The following SLC8A3 variants were observed in gnomAD, a reference collection of about 807,000 sequenced individuals.
SLC8A3 encodes the protein sodium/calcium exchanger 3.
Under a neutral mutation model 65.4 loss-of-function variants are expected in SLC8A3, and 37 were observed. That is an observed-to-expected ratio of 0.57 (90% CI 0.44 to 0.74). SLC8A3 has a LOEUF of 0.74. SLC8A3 is among the 30% of genes least tolerant of loss of function. The pLI is 0.00. For missense variants in SLC8A3, 1,112 were observed against 1,172.1 expected (o/e 0.95, Z 0.75); for synonymous variants, 461 against 444.5 (o/e 1.04, Z -0.47).
chr14:70,175,884 A>C (rs1897876924), intron 1 of SLC8A3, among the ~76,000 whole-genome samples: 1 of 151,986 alleles, frequency 6.6e-6, no homozygotes, highest in Admixed American at 6.6e-5. Flanking sequence ...ACAGGTGTGC[A>C]CCACCACATC....
intron 2 of SLC8A3, among the ~76,000 whole-genome samples, chr14:70,137,189 A>G (rs1895258566): frequency 6.7e-6 from 1 of 150,274 alleles, no homozygotes; most frequent in South Asian, 2.1e-4. Context: ...TCTGTCACCC[A>G]GGATGGAGTG....
At chr14:70,085,183 T>C (rs1891340168) in intron 2 of SLC8A3, among the ~76,000 whole-genome samples, 1 of 152,084 alleles carries the variant, frequency 6.6e-6, no homozygotes. Flanking sequence ...ACCTATAGAT[T>C]CTCTATCTGT....
At chr14:70,095,122 AAG>A (rs1892080843) in intron 2 of SLC8A3, among the ~76,000 whole-genome samples, 1 of 152,236 alleles carries the variant, frequency 6.6e-6, no homozygotes, top group Non-Finnish European at 1.5e-5. Flanking sequence ...ACGTGGTAGA[AAG>A]AACACAGGTT....
intron 2 of SLC8A3, among the ~76,000 whole-genome samples, chr14:70,092,325 C>T (rs994113555): frequency 1.3e-5 from 2 of 152,198 alleles, no homozygotes; most frequent in African/African-American, 4.8e-5. Flanking sequence ...TCCTGGAATG[C>T]TTTCCTGATG....
At chr14:70,147,419 G>T (rs1026334475) in intron 2 of SLC8A3, among the ~76,000 whole-genome samples, 1 of 152,108 alleles carries the variant, frequency 6.6e-6, no homozygotes, top group South Asian at 2.1e-4. Flanking sequence ...CCTTCTCTCC[G>T]CAAGAACATG....
At chr14:70,174,780 G>A (rs1442620779) in intron 1 of SLC8A3, among the ~76,000 whole-genome samples, 1 of 150,692 alleles carries the variant, frequency 6.6e-6, no homozygotes, top group Non-Finnish European at 1.5e-5. Flanking sequence ...CTGATGAGGG[G>A]TGGAGACAAA....
chr14:70,145,734 A>G (rs940433457), intron 2 of SLC8A3, among the ~76,000 whole-genome samples: 11 of 152,230 alleles, frequency 7.2e-5, no homozygotes, highest in African/African-American at 2.7e-4. Context: ...CATCTGCCCC[A>G]GAAAACCATC....
At chr14:70,122,177 G>A (rs1894113280) in intron 2 of SLC8A3, among the ~76,000 whole-genome samples, 1 of 152,198 alleles carries the variant, frequency 6.6e-6, no homozygotes, top group Non-Finnish European at 1.5e-5. Context: ...TATGTGATTG[G>A]AGAAGGTGGC....
chr14:70,164,502 G>T (rs1208368720), intron 2 of SLC8A3, among the ~76,000 whole-genome samples: 1 of 152,082 alleles, frequency 6.6e-6, no homozygotes, highest in East Asian at 1.9e-4. Flanking sequence ...TTTAGAATGA[G>T]TATTACCCAG....
At chr14:70,173,902 A>T (rs1414339599) in intron 1 of SLC8A3, among the ~76,000 whole-genome samples, 3 of 152,228 alleles carry the variant, frequency 2.0e-5, no homozygotes, top group Non-Finnish European at 2.9e-5. Flanking sequence ...AGGTAGCTTG[A>T]TTGCCACAAC....
intron 2 of SLC8A3, among the ~76,000 whole-genome samples, chr14:70,102,376 C>G (rs1262282781): frequency 6.6e-6 from 1 of 152,172 alleles, no homozygotes; most frequent in East Asian, 1.9e-4. Flanking sequence ...ACTCAATACC[C>G]TTAAAAGGAA....
At chr14:70,147,813 CATGATT>C (rs1334287911) in intron 2 of SLC8A3, among the ~76,000 whole-genome samples, 1 of 152,174 alleles carries the variant, frequency 6.6e-6, no homozygotes, top group Non-Finnish European at 1.5e-5. Flanking sequence ...TGCCTGGACT[CATGATT>C]CATGAAAACT....
At chr14:70,173,413 C>T (rs996751979) in intron 1 of SLC8A3, among the ~76,000 whole-genome samples, 7 of 152,220 alleles carry the variant, frequency 4.6e-5, no homozygotes, top group African/African-American at 7.2e-5. Context: ...ATCTTCCTAA[C>T]GCCTCTGAGG....
chr14:70,122,124 A>C (rs1894108890), intron 2 of SLC8A3, among the ~76,000 whole-genome samples: 2 of 152,228 alleles, frequency 1.3e-5, no homozygotes, highest in South Asian at 2.1e-4. Context: ...GGATAGAGCC[A>C]AAAGAAGAGC....
rs114771652 is a variant in SLC8A3 at position 70,147,394 on chromosome 14, T to C, written c.1784+19245A>G. 3.7e-3 allele frequency among the ~76,000 whole-genome samples: 570 copies of C among 152,326 alleles called. 3 individuals carry two copies. Among genetic ancestry groups the C allele is most frequent in the African/African-American group, 0.013 (529 of 41,570 alleles). On this transcript the variant is annotated intron_variant, in intron 2 of 6. Coordinates refer to ENST00000356921, the MANE Select transcript of SLC8A3 (RefSeq NM_182932.3). Reference sequence around the variant, plus strand: ...AAATAGCATGGAAGACAGATTCCAATGTGGCTGTAAGATTCCTTCTCTCCG... The same window carrying C: ...AAATAGCATGGAAGACAGATTCCAACGTGGCTGTAAGATTCCTTCTCTCCG...
At chr14:70,163,076 C>T (rs1409753044) in intron 2 of SLC8A3, among the ~76,000 whole-genome samples, 1 of 152,208 alleles carries the variant, frequency 6.6e-6, no homozygotes, top group Non-Finnish European at 1.5e-5. Flanking sequence ...GTCTTATTCA[C>T]TTATTTAACC....
chr14:70,138,881 A>G lies in SLC8A3; in HGVS notation c.1784+27758T>C, dbSNP rs182954389. On this transcript the variant is annotated intron_variant, in intron 2 of 6. Coordinates refer to ENST00000356921, the MANE Select transcript of SLC8A3 (RefSeq NM_182932.3). ...CTTAGACACCTTGTAGGTTAAGCAA[A>G]GAGGAAAATAATAAAGTAGGCTTCG... Among the ~76,000 whole-genome samples, 4 of 152,356 alleles carry G rather than the reference A, an allele frequency of 2.6e-5. No individual in the cohort carries two copies. In the East Asian group the frequency reaches 5.8e-4, roughly 22 times the overall value.
chr14:70,096,376 G>A (rs1361863814), intron 2 of SLC8A3, among the ~76,000 whole-genome samples: 1 of 152,188 alleles, frequency 6.6e-6, no homozygotes, highest in African/African-American at 2.4e-5. Context: ...TGAAGAGGGT[G>A]TCACTGAACA....
At chr14:70,152,661 G>A (rs914527090) in intron 2 of SLC8A3, among the ~76,000 whole-genome samples, 6 of 152,176 alleles carry the variant, frequency 3.9e-5, no homozygotes, top group African/African-American at 9.7e-5. Flanking sequence ...AGATCTGTAT[G>A]GCAAAGAGCA....
Sources: gnomAD v4.1 joint callset for allele counts (sites outside exome capture counted in the v4.1 genomes callset) on GRCh38, gnomAD v4.1.1 for gene constraint, MANE v1.5 for transcripts, NCBI Gene and HGNC (gene_info 2026-07-23, HGNC 2026-07-21) for gene names.